Variants in DLGAP2 observed in about 807,000 individuals in gnomAD.
The protein encoded by DLGAP2 is disks large-associated protein 2.
A neutral mutation model predicts 100.3 loss-of-function variants in DLGAP2; 26 were observed. The ratio of observed to expected loss-of-function variants is 0.26; its 90% CI spans 0.19 to 0.36. DLGAP2 has a LOEUF of 0.36. Ranked by LOEUF, DLGAP2 falls within the 10% of genes least tolerant of loss-of-function variation. The probability of loss-of-function intolerance (pLI) is 1.00; values close to 1 mark genes in which losing one functional copy is unlikely to be tolerated. For synonymous variants in DLGAP2, 886 were observed against 630.1 expected (o/e 1.41, Z -6.08); for missense variants, 1,858 against 1,453.2 (o/e 1.28, Z -4.53).
intron 2 of DLGAP2, among the ~76,000 whole-genome samples, chr8:994,711 C>G (rs1385770194): frequency 1.3e-5 from 2 of 152,170 alleles, no homozygotes; most frequent in African/African-American, 4.8e-5. Flanking sequence ...GATCCATCAT[C>G]ATATGACTGC....
At chr8:1,051,991 A>T (rs1162647927) in intron 2 of DLGAP2, among the ~76,000 whole-genome samples, 1 of 152,186 alleles carries the variant, frequency 6.6e-6, no homozygotes, top group African/African-American at 2.4e-5. Context: ...ACCTGCCCAC[A>T]TTCTACCCAC....
intron 2 of DLGAP2, among the ~76,000 whole-genome samples, chr8:926,900 C>T (rs531258535): frequency 2.0e-5 from 3 of 152,334 alleles, no homozygotes; most frequent in Admixed American, 6.5e-5. Flanking sequence ...GAGCGAGCCT[C>T]GTAGGCGTTC....
chr8:1,358,829 A>G lies in DLGAP2; in HGVS notation c.106+99946A>G, dbSNP rs533647961. On this transcript the variant is annotated intron_variant, in intron 3 of 14. Transcript: ENST00000637795. ...CTGATCAGGCCACGTTTGTCATCAG[A>G]GGCAGAAATCAGGAGCCCTGCGGCA... Among the ~76,000 whole-genome samples, 10 of 152,050 alleles carry G rather than the reference A, an allele frequency of 6.6e-5. No individual in the cohort carries two copies. The South Asian group carries it at 2.1e-3, about 32-fold the overall frequency.
chr8:896,526 C>G (rs891636467), intron 1 of DLGAP2, among the ~76,000 whole-genome samples: 4 of 152,106 alleles, frequency 2.6e-5, no homozygotes, highest in African/African-American at 9.7e-5. Context: ...CCCCCAAATT[C>G]CTATGTTGAA....
chr8:1,001,265 A>T (rs1214022437), intron 2 of DLGAP2, among the ~76,000 whole-genome samples: 2 of 152,186 alleles, frequency 1.3e-5, no homozygotes, highest in Non-Finnish European at 2.9e-5. Flanking sequence ...GCCTTTCTCC[A>T]CTGGCTCTGT....
At chr8:1,590,129 G>A (rs143388419) in intron 6 of DLGAP2, among the ~76,000 whole-genome samples, 335 of 152,138 alleles carry the variant, frequency 2.2e-3, no homozygotes, top group African/African-American at 7.9e-3. Flanking sequence ...CCCCATCTTC[G>A]TCCCTTCTCC....
chr8:1,270,837 T>A (rs554836931), intron 3 of DLGAP2, among the ~76,000 whole-genome samples: 1 of 152,254 alleles, frequency 6.6e-6, no homozygotes, highest in South Asian at 2.1e-4. Context: ...TCTGTGTGTG[T>A]GTCTACAGAG....
At chr8:1,071,916 C>T (rs936243164) in intron 2 of DLGAP2, among the ~76,000 whole-genome samples, 6 of 152,176 alleles carry the variant, frequency 3.9e-5, no homozygotes, top group Admixed American at 2.6e-4. Context: ...TTAGGGAACT[C>T]GTGTCAGTCT....
chr8:1,360,530 C>T (rs1221738672), intron 3 of DLGAP2, among the ~76,000 whole-genome samples: 3 of 152,132 alleles, frequency 2.0e-5, no homozygotes, highest in Non-Finnish European at 2.9e-5. Flanking sequence ...CCTCGAGGGG[C>T]AGCACGGGAC....
chr8:1,215,873 A>T (rs1798201964), intron 2 of DLGAP2, among the ~76,000 whole-genome samples: 1 of 140,378 alleles, frequency 7.1e-6, no homozygotes, highest in South Asian at 2.3e-4. Context: ...TCACCTGGAG[A>T]CGTCCAGGTA....
intron 2 of DLGAP2, among the ~76,000 whole-genome samples, chr8:966,936 C>T (rs977710015): frequency 4.6e-5 from 7 of 152,252 alleles, no homozygotes; most frequent in African/African-American, 1.2e-4. Flanking sequence ...ACTTGACATA[C>T]ATCAGATAAA....
Position 1,447,242 on chromosome 8 carries a change from C to T in DLGAP2, c.107-54124C>T, listed in dbSNP as rs184292471. ...TTGCCTGTGGGTTTGTCATAGATAG[C>T]TCTTATTATTTTGGGATACATCCCA... On this transcript the variant is annotated intron_variant, in intron 3 of 14. Coordinates refer to ENST00000637795, the MANE Select transcript of DLGAP2 (RefSeq NM_001346810.2). Among the ~76,000 whole-genome samples, 873 of 152,258 alleles carry T rather than the reference C, an allele frequency of 5.7e-3. 6 individuals carry two copies. Among genetic ancestry groups the T allele is most frequent in the Non-Finnish European group, 8.6e-3 (586 of 68,014 alleles).
intron 8 of DLGAP2, among the ~76,000 whole-genome samples, chr8:1,634,096 G>A (rs932891686): frequency 5.9e-5 from 9 of 152,348 alleles, no homozygotes; most frequent in African/African-American, 1.7e-4. Context: ...GTGGATGGAA[G>A]GGAAGGAACT....
intron 3 of DLGAP2, among the ~76,000 whole-genome samples, chr8:1,333,684 C>T (rs1413726543): frequency 6.6e-6 from 1 of 152,228 alleles, no homozygotes; most frequent in African/African-American, 2.4e-5. Flanking sequence ...GCTCTCCAGG[C>T]AGGTCTGGAC....
At chr8:845,046 C>T (rs1042914248) in intron 1 of DLGAP2, among the ~76,000 whole-genome samples, 6 of 152,118 alleles carry the variant, frequency 3.9e-5, no homozygotes, top group Non-Finnish European at 4.4e-5. Flanking sequence ...ACAGATATAC[C>T]ACATTTTATT....
rs1035306405 is a variant in DLGAP2, at chr8:1,697,467, CGT to C, written c.2949+176_2949+177del. Among the ~76,000 whole-genome samples, 211 of 152,156 alleles carry C rather than the reference CGT, an allele frequency of 1.4e-3. 1 individual carries two copies. The highest frequency in any genetic ancestry group is 4.5e-3 in the African/African-American group (185 of 41,508). ...ACATGTGTATACGCACATGTGTGTG[CGT>C]GTGTGTGCATGTGCCGAAAATGGGG... On this transcript the variant is annotated intron_variant, in intron 14 of 14. Transcript: ENST00000637795.
intron 2 of DLGAP2, among the ~76,000 whole-genome samples, chr8:1,086,594 A>G (rs1483463299): frequency 6.6e-6 from 1 of 152,226 alleles, no homozygotes; most frequent in Non-Finnish European, 1.5e-5. Context: ...ATGGAAGTCA[A>G]AAGAGAGGAA....
At chr8:1,610,729 T>C (rs1364540650) in intron 6 of DLGAP2, among the ~76,000 whole-genome samples, 1 of 144,488 alleles carries the variant, frequency 6.9e-6, no homozygotes, top group African/African-American at 2.8e-5. Context: ...CCCACAGAAA[T>C]ACAAACTACC....
In DLGAP2 at chr8:872,410, A is replaced by G. The variant is rs555364404; in HGVS notation, c.19-35502A>G. On this transcript the variant is annotated intron_variant, in intron 1 of 14. Coordinates refer to ENST00000637795, the MANE Select transcript of DLGAP2 (RefSeq NM_001346810.2). ...GTACAACGGCGCGATCTCGGCTCAC[A>G]GCAACCTCTGCCTCCCGGGTTCAAG... Among the ~76,000 whole-genome samples the G allele has an allele frequency of 4.0e-4, 59 of 146,542 alleles. 1 individual carries two copies. The Middle Eastern group carries it at 0.014, about 36-fold the overall frequency.
Sources: gnomAD v4.1 joint callset for allele counts (sites outside exome capture counted in the v4.1 genomes callset) on GRCh38, gnomAD v4.1.1 for gene constraint, MANE v1.5 for transcripts, NCBI Gene and HGNC (gene_info 2026-07-23, HGNC 2026-07-21) for gene names.